Variants in MYZAP observed in about 807,000 individuals in gnomAD.
MYZAP encodes myocardial zonula adherens protein.
MYZAP carries 66 observed loss-of-function variants against 69.4 expected under a neutral mutation model. That is an observed-to-expected ratio of 0.95 (90% CI 0.78 to 1.17). The LOEUF (loss-of-function observed/expected upper bound fraction) is 1.17, where lower values mean the gene tolerates loss of function less well. MYZAP is among the 50% of genes most tolerant of loss of function. MYZAP has a pLI of 0.00. For missense variants in MYZAP, 611 were observed against 556.2 expected (o/e 1.10, Z -0.99); for synonymous variants, 256 against 205.9 (o/e 1.24, Z -2.09).
intron 1 of MYZAP, among the ~76,000 whole-genome samples, chr15:57,602,039 G>A (rs1156681797): frequency 2.6e-5 from 4 of 152,054 alleles, no homozygotes; most frequent in Non-Finnish European, 4.4e-5. Context: ...GTACATTTTT[G>A]GGTGTTGGGT....
intron 10 of MYZAP, among the ~76,000 whole-genome samples, chr15:57,645,600 TA>T (rs2140487157): frequency 6.6e-6 from 1 of 152,374 alleles, no homozygotes; most frequent in East Asian, 1.9e-4. Flanking sequence ...CACAGCATGT[TA>T]ATTGGATCAT....
intron 10 of MYZAP, among the ~76,000 whole-genome samples, chr15:57,642,522 T>A (rs1398722540): frequency 6.6e-6 from 1 of 152,216 alleles, no homozygotes; most frequent in African/African-American, 2.4e-5. Flanking sequence ...GGACCCTTTT[T>A]CTTCCCTCAC....
chr15:57,651,724 G>A (rs1317026149), intron 10 of MYZAP, among the ~76,000 whole-genome samples: 1 of 152,178 alleles, frequency 6.6e-6, no homozygotes, highest in African/African-American at 2.4e-5. Context: ...AACCACATAG[G>A]GTTGTTTCTG....
At chr15:57,595,637 G>A (rs1231627023) in intron 1 of MYZAP, among the ~76,000 whole-genome samples, 1 of 152,032 alleles carries the variant, frequency 6.6e-6, no homozygotes, top group African/African-American at 2.4e-5. Context: ...TTTTGGCTAA[G>A]CTGTTCTGAT....
chr15:57,627,749 G>GCCTACC (rs1231376563), intron 5 of MYZAP, among the ~76,000 whole-genome samples: 2 of 152,136 alleles, frequency 1.3e-5, no homozygotes, highest in Admixed American at 1.3e-4. Context: ...TGAGCAAGAT[G>GCCTACC]CCTACCTAGT....
intron 10 of MYZAP, among the ~76,000 whole-genome samples, chr15:57,657,302 A>G (rs1179713338): frequency 6.6e-6 from 1 of 152,150 alleles, no homozygotes; most frequent in Non-Finnish European, 1.5e-5. Flanking sequence ...AAGATTTTAA[A>G]AGTTAACTTT....
At chr15:57,671,368 C>G (rs2038858979) in intron 11 of MYZAP, among the ~76,000 whole-genome samples, 1 of 152,036 alleles carries the variant, frequency 6.6e-6, no homozygotes. Flanking sequence ...ATGTGTTTCT[C>G]TTTGAATTTA....
intron 11 of MYZAP, among the ~76,000 whole-genome samples, chr15:57,670,113 G>T (rs911074228): frequency 1.3e-5 from 2 of 152,002 alleles, no homozygotes; most frequent in African/African-American, 4.8e-5. Context: ...ACAAATACCA[G>T]TTGGGTTTAG....
chr15:57,616,043 A>C (rs1458720997), intron 2 of MYZAP, among the ~76,000 whole-genome samples: 1 of 152,210 alleles, frequency 6.6e-6, no homozygotes, highest in South Asian at 2.1e-4. Context: ...TACCCCATCC[A>C]TGGTTCCTTC....
chr15:57,596,140 A>G (rs566005673), intron 1 of MYZAP, among the ~76,000 whole-genome samples: 1 of 152,310 alleles, frequency 6.6e-6, no homozygotes, highest in East Asian at 1.9e-4. Flanking sequence ...CTAGACATTT[A>G]TGGAGATCCC....
intron 10 of MYZAP, among the ~76,000 whole-genome samples, chr15:57,661,097 T>G (rs1156906741): frequency 6.6e-6 from 1 of 152,190 alleles, no homozygotes; most frequent in Non-Finnish European, 1.5e-5. Flanking sequence ...AAGCATGTTC[T>G]CTGGAAGATC....
intron 12 of MYZAP, among the ~76,000 whole-genome samples, chr15:57,678,691 A>G (rs2039267645): frequency 6.6e-6 from 1 of 152,124 alleles, no homozygotes; most frequent in African/African-American, 2.4e-5. Flanking sequence ...CCAGTGATTG[A>G]TAAGGTCTCT....
intron 2 of MYZAP, among the ~76,000 whole-genome samples, chr15:57,613,410 G>A (rs1053967586): frequency 5.9e-5 from 9 of 151,418 alleles, no homozygotes; most frequent in African/African-American, 9.7e-5. Context: ...TTTCTCTGTC[G>A]CCCAGGCTGG....
intron 12 of MYZAP, among the ~76,000 whole-genome samples, chr15:57,678,427 C>G (rs1192693479): frequency 1.3e-5 from 2 of 152,116 alleles, no homozygotes; most frequent in Non-Finnish European, 2.9e-5. Flanking sequence ...GAGTTAAGCA[C>G]TTAATAACTA....
At chr15:57,618,005 C>G (rs957471267) in intron 2 of MYZAP, 28 bp from the exon 3 acceptor site, 42 of 1,605,084 alleles carry the variant, frequency 2.6e-5, no homozygotes, top group Non-Finnish European at 3.6e-5. Flanking sequence ...AGTCATTATT[C>G]TTTTTTTCTT....
intron 12 of MYZAP, among the ~76,000 whole-genome samples, chr15:57,678,252 C>G (rs1341881698): frequency 6.6e-6 from 1 of 151,922 alleles, no homozygotes; most frequent in Non-Finnish European, 1.5e-5. Context: ...ATCCCAGCTA[C>G]TCAGGAGGCT....
chr15:57,630,296 C>T (rs777690452), intron 6 of MYZAP, among the ~76,000 whole-genome samples: 1 of 151,776 alleles, frequency 6.6e-6, no homozygotes, highest in Non-Finnish European at 1.5e-5. Flanking sequence ...TAAATGCCCC[C>T]ATTGGGCATG....
chr15:57,632,858 G>GCCCT (rs2036590236), intron 7 of MYZAP, among the ~76,000 whole-genome samples: 1 of 152,068 alleles, frequency 6.6e-6, no homozygotes, highest in Admixed American at 6.6e-5. Flanking sequence ...CCGCAGCTGT[G>GCCCT]CCCTCCCTCC....
intron 12 of MYZAP, among the ~76,000 whole-genome samples, chr15:57,677,582 G>A (rs1165265557): frequency 6.6e-6 from 1 of 152,194 alleles, no homozygotes; most frequent in Non-Finnish European, 1.5e-5. Context: ...ACTAATAAAA[G>A]ATTCCATGGT....
Sources: gnomAD v4.1 joint callset for allele counts (sites outside exome capture counted in the v4.1 genomes callset) on GRCh38, gnomAD v4.1.1 for gene constraint, MANE v1.5 for transcripts, NCBI Gene and HGNC (gene_info 2026-07-23, HGNC 2026-07-21) for gene names.